Variants in IFT46 observed in about 807,000 individuals in gnomAD.
The protein encoded by IFT46 is intraflagellar transport protein 46 homolog.
IFT46 carries 19 observed loss-of-function variants against 39.6 expected under a neutral mutation model. The observed-to-expected ratio is 0.48, with a 90% CI of 0.33 to 0.70. IFT46 has a LOEUF of 0.70. IFT46 is among the 30% of genes least tolerant of loss of function. The pLI is 0.01. For missense variants in IFT46, 334 were observed against 364.8 expected, an observed-to-expected ratio of 0.92 and a Z score of 0.69; for synonymous variants, 117 against 134.8, an observed-to-expected ratio of 0.87 and a Z score of 0.91.
chr11:118,552,239 G>A lies in IFT46; in HGVS notation c.580C>T (p.Pro194Ser). ...ESISELHRSK[P>S]PATVHYTRPM... ...CTGGTGTAGTGCACAGTCGCAGGGGGCTTAGAACGGTGTAATTCAGAGATG... is the reference window on the plus strand; with the variant it reads ...CTGGTGTAGTGCACAGTCGCAGGGGACTTAGAACGGTGTAATTCAGAGATG... The change falls in exon 8 of 12, where the codon CCC becomes TCC. Residue 194 changes from proline to serine, a missense_variant. By Grantham distance (74) the Pro-to-Ser change is moderately conservative (BLOSUM62 -1). Coordinates refer to ENST00000264021, the MANE Select transcript of IFT46 (RefSeq NM_001168618.2). The A allele has an allele frequency of 1.2e-6, 2 of 1,614,150 alleles. No individual in the cohort carries two copies. Among genetic ancestry groups the A allele is most frequent in the East Asian group, 2.2e-5 (1 of 44,888 alleles).
chr11:118,547,669 G>A (rs1951718301), intron 9 of IFT46, among the ~76,000 whole-genome samples: 1 of 151,416 alleles, frequency 6.6e-6, no homozygotes, highest in African/African-American at 2.4e-5. Context: ...TGATCCACCT[G>A]CCTCAGCCTC....
intron 9 of IFT46, among the ~76,000 whole-genome samples, chr11:118,547,823 T>C (rs1178553991): frequency 7.0e-6 from 1 of 142,046 alleles, no homozygotes; most frequent in Non-Finnish European, 1.5e-5. Context: ...CTTGGCTCAC[T>C]ACAATCTCCG....
upstream of IFT46, among the ~76,000 whole-genome samples, chr11:118,576,287 C>G (rs1213553298): frequency 2.0e-5 from 3 of 150,726 alleles, no homozygotes; most frequent in Non-Finnish European, 3.0e-5. Context: ...CAAAGCTCAA[C>G]TTTATGAGGG....
At chr11:118,572,537 C>T in intron 1 of IFT46, 3 of 1,611,618 alleles carry the variant, frequency 1.9e-6, no homozygotes, top group Non-Finnish European at 2.5e-6. Context: ...CGCCCCACCA[C>T]CGCCCTCACC....
chr11:118,554,083 C>G lies in IFT46; in HGVS notation c.483+376G>C, dbSNP rs1937743804. Among the ~76,000 whole-genome samples, 3 of 148,062 alleles carry G rather than the reference C, an allele frequency of 2.0e-5. No individual in the cohort carries two copies. The Admixed American group carries it at 2.0e-4, about 10-fold the overall frequency. Reference sequence around the variant, plus strand: ...TTTTTTTTTTTGAGATGGAGTCTAGCTCTGTTGCCCAGGCTGGAGTGCAGT... The same window carrying G: ...TTTTTTTTTTTGAGATGGAGTCTAGGTCTGTTGCCCAGGCTGGAGTGCAGT... On this transcript the variant is annotated intron_variant, in intron 7 of 11. Transcript: ENST00000264021.
chr11:118,545,954 G>A, intron 9 of IFT46, 101 bp from the exon 10 acceptor site: 1 of 980,744 alleles, frequency 1.0e-6, no homozygotes, highest in South Asian at 1.3e-5. Context: ...ATAAGACACA[G>A]GTTATGGGCT....
chr11:118,557,481 C>G lies in IFT46; in HGVS notation c.46-436G>C. 1.2e-5 allele frequency: 6 copies of G among 484,808 alleles called. No individual in the cohort carries two copies. In the South Asian group the frequency reaches 1.5e-4, roughly 12 times the overall value. The allele number at this position is 484,808 out of a possible 1,614,324, so 30.0% of individuals were successfully genotyped here. ...CTCACAAAGACCATAGAGAGGAAATCTAATACTTAATTTGCAAGACTGCCC... is the reference window on the plus strand; with the variant it reads ...CTCACAAAGACCATAGAGAGGAAATGTAATACTTAATTTGCAAGACTGCCC... On this transcript the variant is annotated intron_variant, in intron 3 of 11. Transcript: ENST00000264021.
chr11:118,555,376 AG>A, intron 4 of IFT46, 54 bp from the exon 5 acceptor site: 2 of 1,341,558 alleles, frequency 1.5e-6, no homozygotes, highest in East Asian at 4.6e-5. Context: ...CAGAGGTGGC[AG>A]GGTCCTAGGT....
chr11:118,567,063 C>T (rs1285602864), upstream of IFT46, among the ~76,000 whole-genome samples: 3 of 151,682 alleles, frequency 2.0e-5, no homozygotes, highest in Non-Finnish European at 4.4e-5. Context: ...CAAGAACCGC[C>T]CCCCTCCACT....
chr11:118,557,506 C>A, intron 3 of IFT46: 1 of 529,598 alleles, frequency 1.9e-6, no homozygotes, highest in Non-Finnish European at 3.3e-6. Flanking sequence ...CAAGACTGCC[C>A]AGCATAAGCT....
intron 3 of IFT46, chr11:118,557,443 A>C: frequency 2.5e-6 from 1 of 402,714 alleles, no homozygotes; most frequent in Non-Finnish European, 4.4e-6. Flanking sequence ...TAGAAATTTT[A>C]GGGGTCTTAA....
upstream of IFT46, chr11:118,573,597 CT>C (rs1292870431): frequency 1.5e-6 from 1 of 685,386 alleles, no homozygotes; most frequent in Non-Finnish European, 2.7e-6. Flanking sequence ...CTGTTCTGTT[CT>C]TTTTTATTCT....
intron 7 of IFT46, among the ~76,000 whole-genome samples, chr11:118,553,059 G>A (rs1937702352): frequency 6.6e-6 from 1 of 151,950 alleles, no homozygotes; most frequent in Non-Finnish European, 1.5e-5. Context: ...TCCAGCCTGG[G>A]TAACAGAGCG....
upstream of IFT46, among the ~76,000 whole-genome samples, chr11:118,570,141 G>A (rs1215359462): frequency 7.2e-6 from 1 of 139,324 alleles, no homozygotes; most frequent in Non-Finnish European, 1.5e-5. Context: ...CCCAACCTCC[G>A]CCTCCTAGCT....
At chr11:118,552,648 C>A (rs1319842771) in intron 7 of IFT46, among the ~76,000 whole-genome samples, 2 of 152,000 alleles carry the variant, frequency 1.3e-5, no homozygotes, top group African/African-American at 4.8e-5. Context: ...TAAAAATTAG[C>A]CAGGCATGGT....
intron 11 of IFT46, among the ~76,000 whole-genome samples, 196 bp from the exon 12 acceptor site, chr11:118,545,207 C>T (rs1474234676): frequency 6.8e-6 from 1 of 146,328 alleles, no homozygotes; most frequent in Non-Finnish European, 1.5e-5. Flanking sequence ...ACTCCTACTT[C>T]CACCCACCCT....
At chr11:118,553,951 A>G (rs1293768390) in intron 7 of IFT46, among the ~76,000 whole-genome samples, 1 of 152,188 alleles carries the variant, frequency 6.6e-6, no homozygotes, top group Non-Finnish European at 1.5e-5. Flanking sequence ...ATTAAAACTA[A>G]TAAGTTGTAC....
intron 2 of IFT46, chr11:118,561,377 G>A (rs1391057027): frequency 2.5e-5 from 21 of 849,586 alleles, no homozygotes; most frequent in East Asian, 1.2e-4. Context: ...AAAGAAGAGC[G>A]TAACTCCAGA....
rs184818210 is a variant in IFT46, at chr11:118,560,694, G to A, written c.-35-830C>T. On this transcript the variant is annotated intron_variant, in intron 2 of 11. Coordinates refer to ENST00000264021, the MANE Select transcript of IFT46 (RefSeq NM_001168618.2). Reference sequence around the variant, plus strand: ...CGCGGGTCTCTGTTCCGCAGAATGGGGTTTATTAAAGTTGTTAAGAATAAA... The same window carrying A: ...CGCGGGTCTCTGTTCCGCAGAATGGAGTTTATTAAAGTTGTTAAGAATAAA... 2.7e-3 allele frequency: 1,584 copies of A among 596,340 alleles called. 5 individuals are homozygous for A. The highest frequency in any genetic ancestry group is 3.9e-3 in the Non-Finnish European group (1,294 of 329,818). 36.9% of individuals were successfully genotyped at this position (596,340 alleles called of 1,614,324 possible). A position where few individuals can be genotyped will look rare whatever the true frequency, so the allele number is the denominator to read the frequency against.
Sources: allele counts gnomAD v4.1 joint callset (sites outside exome capture counted in the v4.1 genomes callset), GRCh38; gene constraint gnomAD v4.1.1; transcripts MANE v1.5; gene names NCBI Gene and HGNC (gene_info 2026-07-23, HGNC 2026-07-21).